The following STRBP variants were observed in gnomAD, a reference collection of about 807,000 sequenced individuals.
STRBP encodes the protein spermatid perinuclear RNA binding protein.
Under a neutral mutation model 80.1 loss-of-function variants are expected in STRBP, and 13 were observed. That is an observed-to-expected ratio of 0.16 (90% CI 0.11 to 0.26). The LOEUF is 0.26. Among genes scored for constraint, STRBP ranks in the 10% least tolerant of loss-of-function variants. The pLI is 1.00. For synonymous variants in STRBP, 284 were observed against 291.2 expected, an observed-to-expected ratio of 0.98 and a Z score of 0.25; for missense variants, 485 against 815.2, an observed-to-expected ratio of 0.59 and a Z score of 4.93.
At chr9:123,245,262 G>A (rs942236101) in intron 1 of STRBP, among the ~76,000 whole-genome samples, 5 of 152,216 alleles carry the variant, frequency 3.3e-5, no homozygotes, top group African/African-American at 1.2e-4. Flanking sequence ...CAGAGCGGGA[G>A]TTCTAAGCCT....
intron 18 of STRBP, 50 bp from the exon 19 acceptor site, chr9:123,125,723 A>G (rs373049502): frequency 3.5e-6 from 5 of 1,447,142 alleles, no homozygotes; most frequent in Non-Finnish European, 4.8e-6. Flanking sequence ...TAATACTCCA[A>G]TAAAAATTTC....
chr9:123,236,465 T>G (rs1351348514), intron 2 of STRBP, among the ~76,000 whole-genome samples: 1 of 152,168 alleles, frequency 6.6e-6, no homozygotes, highest in Non-Finnish European at 1.5e-5. Context: ...GTGAACATCA[T>G]GATGACAGTG....
At chr9:123,262,351 T>C (rs1289687392) in intron 1 of STRBP, among the ~76,000 whole-genome samples, 2 of 152,250 alleles carry the variant, frequency 1.3e-5, no homozygotes, top group East Asian at 1.9e-4. Flanking sequence ...CAGCACTATA[T>C]TGGTTAAATT....
intron 6 of STRBP, among the ~76,000 whole-genome samples, chr9:123,167,256 T>C (rs1311133240): frequency 1.3e-5 from 2 of 151,308 alleles, no homozygotes; most frequent in African/African-American, 2.4e-5. Context: ...TACAGGAAAA[T>C]GTCTCCAAGA....
chr9:123,242,877 G>A (rs746657468), intron 1 of STRBP, among the ~76,000 whole-genome samples: 57 of 152,236 alleles, frequency 3.7e-4, no homozygotes, highest in Middle Eastern at 6.8e-3. Context: ...CAATGGTAGA[G>A]ACACTCCACA....
intron 1 of STRBP, among the ~76,000 whole-genome samples, chr9:123,251,548 T>A (rs573344091): frequency 1.3e-5 from 2 of 152,222 alleles, no homozygotes; most frequent in Non-Finnish European, 2.9e-5. Context: ...TTACTTTCTA[T>A]GTCCCTGAGT....
intron 2 of STRBP, among the ~76,000 whole-genome samples, chr9:123,217,897 C>G (rs1397545374): frequency 6.6e-6 from 1 of 152,252 alleles, no homozygotes; most frequent in Non-Finnish European, 1.5e-5. Context: ...TCTAGCTTGT[C>G]AGTCCAGATA....
intron 2 of STRBP, among the ~76,000 whole-genome samples, chr9:123,220,370 C>G (rs1268064326): frequency 6.6e-6 from 1 of 152,152 alleles, no homozygotes; most frequent in African/African-American, 2.4e-5. Flanking sequence ...ACCTGTACAG[C>G]AAGTTATTCT....
chr9:123,168,718 T>C (rs1042900608), intron 6 of STRBP, among the ~76,000 whole-genome samples: 4 of 152,102 alleles, frequency 2.6e-5, no homozygotes, highest in East Asian at 3.9e-4. Context: ...TGCCTCTAAA[T>C]TGTCATGACA....
intron 17 of STRBP, among the ~76,000 whole-genome samples, chr9:123,128,723 G>A (rs900391992): frequency 1.3e-5 from 2 of 152,232 alleles, no homozygotes; most frequent in African/African-American, 4.8e-5. Flanking sequence ...TTAGCAAACA[G>A]AACTTTCCAA....
chr9:123,252,611 A>C (rs1178963334), intron 1 of STRBP, among the ~76,000 whole-genome samples: 1 of 152,228 alleles, frequency 6.6e-6, no homozygotes, highest in African/African-American at 2.4e-5. Flanking sequence ...TAGTATTTAG[A>C]TATTAGCGAA....
At chr9:123,235,122 A>G (rs1317486982) in intron 2 of STRBP, among the ~76,000 whole-genome samples, 1 of 151,976 alleles carries the variant, frequency 6.6e-6, no homozygotes, top group Non-Finnish European at 1.5e-5. Flanking sequence ...AATGACCTGA[A>G]AGTGTTTTTC....
At chr9:123,137,398 GT>G (rs981599411) in intron 14 of STRBP, among the ~76,000 whole-genome samples, 1 of 151,148 alleles carries the variant, frequency 6.6e-6, no homozygotes, top group Non-Finnish European at 1.5e-5. Context: ...TGTTAATTTT[GT>G]TTTTTTTGTT....
intron 14 of STRBP, among the ~76,000 whole-genome samples, chr9:123,137,815 A>C (rs1013703812): frequency 3.9e-5 from 6 of 152,242 alleles, no homozygotes; most frequent in African/African-American, 1.4e-4. Context: ...GTGAAACATC[A>C]AAGGACAATT....
chr9:123,206,252 G>T (rs2039509689), intron 2 of STRBP, among the ~76,000 whole-genome samples: 1 of 115,186 alleles, frequency 8.7e-6, no homozygotes, highest in Non-Finnish European at 1.5e-5. Context: ...TTCCTTAAAA[G>T]TGTATGTTTT....
At chr9:123,128,629 T>C (rs142948046) in intron 17 of STRBP, among the ~76,000 whole-genome samples, 164 of 152,350 alleles carry the variant, frequency 1.1e-3, no homozygotes, top group East Asian at 0.011. Context: ...GCAGAATGTA[T>C]GATATATATA....
In STRBP at chr9:123,234,998, G is replaced by T. The variant is rs1023100876; in HGVS notation, c.-165+1832C>A. Among the ~76,000 whole-genome samples the T allele has an allele frequency of 8.1e-4, 24 of 29,672 alleles. No homozygotes were observed. In the East Asian group the frequency reaches 0.13, roughly 159 times the overall value. 19.5% of individuals were successfully genotyped at this position (29,672 alleles called of 152,430 possible). ...ATCTGTTCAACTGGCTTTTTTTTTGGGGGGGGGGGGTACTGGGTATTCAGG... is the reference window on the plus strand; with the variant it reads ...ATCTGTTCAACTGGCTTTTTTTTTGTGGGGGGGGGGTACTGGGTATTCAGG... On this transcript the variant is annotated intron_variant, in intron 2 of 18. Coordinates refer to ENST00000348403, the MANE Select transcript of STRBP (RefSeq NM_018387.5).
At chr9:123,161,146 A>C in intron 6 of STRBP, 78 bp from the exon 7 acceptor site, 2 of 1,107,320 alleles carry the variant, frequency 1.8e-6, no homozygotes, top group Non-Finnish European at 2.6e-6. Context: ...ACAATAAAAA[A>C]TAAAAAGAAT....
intron 1 of STRBP, among the ~76,000 whole-genome samples, chr9:123,243,645 G>C (rs1413472737): frequency 5.4e-5 from 6 of 110,100 alleles, no homozygotes; most frequent in Non-Finnish European, 8.6e-5. Context: ...TAAAAAACAA[G>C]AATCCAATTA....
Sources: allele counts gnomAD v4.1 joint callset (sites outside exome capture counted in the v4.1 genomes callset), GRCh38; gene constraint gnomAD v4.1.1; transcripts MANE v1.5; gene names NCBI Gene and HGNC (gene_info 2026-07-23, HGNC 2026-07-21).